Variants in AOPEP observed in about 807,000 individuals in gnomAD.
AOPEP encodes the protein aminopeptidase O (putative), also known as aminopeptidase O.
AOPEP carries 77 observed loss-of-function variants against 98.1 expected under a neutral mutation model. The observed-to-expected ratio is 0.78, with a 90% CI of 0.65 to 0.95. The LOEUF (loss-of-function observed/expected upper bound fraction) is 0.95. Among genes scored for constraint, AOPEP ranks in the 40% least tolerant of loss-of-function variants. AOPEP has a pLI of 0.00. For synonymous variants in AOPEP, 346 were observed against 365.3 expected, an observed-to-expected ratio of 0.95 and a Z score of 0.60; for missense variants, 1,024 against 1,024.7, an observed-to-expected ratio of 1.00 and a Z score of 0.01.
chr9:95,150,075 C>T, the AOPEP span: 1 of 1,614,122 alleles, frequency 6.2e-7, no homozygotes, highest in Non-Finnish European at 8.5e-7. Flanking sequence ...ACGCCACTCG[C>T]TCGGGAGCCA....
At chr9:94,924,938 T>C (rs559242218) in intron 6 of AOPEP, among the ~76,000 whole-genome samples, 2 of 152,350 alleles carry the variant, frequency 1.3e-5, no homozygotes, top group African/African-American at 4.8e-5. Flanking sequence ...CCAGTTCCAA[T>C]GAGGATGATA....
intron 14 of AOPEP, among the ~76,000 whole-genome samples, chr9:95,069,829 G>A (rs559447212): frequency 6.6e-6 from 1 of 152,356 alleles, no homozygotes; most frequent in African/African-American, 2.4e-5. Context: ...ACCAGTTAAG[G>A]TGTAGACAAG....
At position 94,792,865 on chromosome 9, in the gene AOPEP, A is replaced by T; in HGVS notation, c.1065A>T (p.Ser355=). The part of the protein sequence containing the change: ...CWTEMKMETW[S]SNDLATERPF... ...CAGAAATGAAGATGGAGACATGGTC[A>T]TCAAATGATTTGGCAACAGAGAGAC... The change falls in exon 4 of 17, where the codon TCA becomes TCT. Residue 355 remains serine, a synonymous_variant. Transcript: ENST00000375315. 1 of 1,613,850 alleles carries T rather than the reference A, an allele frequency of 6.2e-7. No homozygotes were observed. The highest frequency in any genetic ancestry group is 8.5e-7 in the Non-Finnish European group (1 of 1,179,838).
At chr9:95,106,503 C>A in the AOPEP span, among the ~76,000 whole-genome samples, 1 of 152,150 alleles carries the variant, frequency 6.6e-6, no homozygotes, top group East Asian at 1.9e-4. Flanking sequence ...TCTTTCATTG[C>A]TGTGCCTTTG....
intron 13 of AOPEP, chr9:95,021,531 A>G (rs1463290384): frequency 6.6e-6 from 1 of 152,258 alleles, no homozygotes; most frequent in Admixed American, 6.5e-5. Context: ...ATCATAAGAC[A>G]AATTTAAATG....
intron 5 of AOPEP, among the ~76,000 whole-genome samples, chr9:94,890,356 C>T (rs1027440852): frequency 6.6e-6 from 1 of 151,946 alleles, no homozygotes. Context: ...GCTCCTGCTC[C>T]CCACACATAT....
At chr9:94,777,132 T>C (rs892539039) in intron 3 of AOPEP, among the ~76,000 whole-genome samples, 19 of 152,248 alleles carry the variant, frequency 1.2e-4, no homozygotes, top group Middle Eastern at 3.4e-3. Flanking sequence ...ATTTGAATGA[T>C]TGACAGAAAA....
intron 4 of AOPEP, among the ~76,000 whole-genome samples, chr9:94,800,142 C>G (rs1470398192): frequency 6.6e-6 from 1 of 152,132 alleles, no homozygotes; most frequent in Non-Finnish European, 1.5e-5. Context: ...GGGAAAAATA[C>G]TGTATCAAAA....
the AOPEP span, chr9:95,145,518 A>T: frequency 6.6e-6 from 1 of 152,232 alleles, no homozygotes; most frequent in Non-Finnish European, 1.5e-5. Flanking sequence ...CTTCCCTGCA[A>T]CTAGAAAAAT....
chr9:94,981,708 C>T (rs2060196288), intron 11 of AOPEP, among the ~76,000 whole-genome samples: 1 of 152,092 alleles, frequency 6.6e-6, no homozygotes, highest in Non-Finnish European at 1.5e-5. Context: ...GTTCTTTGTC[C>T]CCATCATTAT....
chr9:95,069,731 C>G (rs1016467714), intron 14 of AOPEP, among the ~76,000 whole-genome samples: 1 of 152,262 alleles, frequency 6.6e-6, no homozygotes, highest in Non-Finnish European at 1.5e-5. Flanking sequence ...TGTCATCACA[C>G]TTGACCCTCA....
intron 1 of AOPEP, among the ~76,000 whole-genome samples, chr9:94,750,240 C>T (rs1414319089): frequency 1.3e-5 from 2 of 152,162 alleles, no homozygotes; most frequent in East Asian, 1.9e-4. Flanking sequence ...TCTTTTCTCT[C>T]CAGCTACTGT....
At chr9:94,888,700 T>C (rs1396120967) in intron 5 of AOPEP, among the ~76,000 whole-genome samples, 7 of 151,902 alleles carry the variant, frequency 4.6e-5, no homozygotes. Context: ...CCCTATGAGG[T>C]TGGGGTCTAG....
intron 10 of AOPEP, among the ~76,000 whole-genome samples, chr9:94,974,123 C>T (rs1241204917): frequency 6.6e-6 from 1 of 152,196 alleles, no homozygotes; most frequent in Non-Finnish European, 1.5e-5. Flanking sequence ...ACATATTAGT[C>T]CATTTCTTTG....
chr9:95,135,386 C>T, the AOPEP span: 1 of 1,614,098 alleles, frequency 6.2e-7, no homozygotes, highest in African/African-American at 1.3e-5. Flanking sequence ...CCTTCTCAGA[C>T]AATTTCTCTC....
chr9:94,746,767 G>C (rs904132160), intron 1 of AOPEP, among the ~76,000 whole-genome samples: 1 of 152,162 alleles, frequency 6.6e-6, no homozygotes, highest in African/African-American at 2.4e-5. Context: ...TGCCATCAGG[G>C]AAGCCAGAGT....
intron 14 of AOPEP, among the ~76,000 whole-genome samples, chr9:95,067,297 T>C (rs2068009658): frequency 6.6e-6 from 1 of 152,184 alleles, no homozygotes; most frequent in Admixed American, 6.5e-5. Flanking sequence ...CTGCGTGTAA[T>C]GGTGGAATTT....
intron 9 of AOPEP, among the ~76,000 whole-genome samples, chr9:94,965,229 C>T (rs529869283): frequency 5.9e-5 from 9 of 152,332 alleles, no homozygotes; most frequent in Admixed American, 1.3e-4. Context: ...AGGCATCAGT[C>T]AGTTTGGGGT....
downstream of AOPEP, among the ~76,000 whole-genome samples, chr9:95,088,564 AGCC>A (rs1487524289): frequency 5.3e-5 from 8 of 152,204 alleles, no homozygotes; most frequent in Admixed American, 1.3e-4. Flanking sequence ...ACTGAGGCAG[AGCC>A]AGGAAGGACC....
Sources: gnomAD v4.1 joint callset for allele counts (sites outside exome capture counted in the v4.1 genomes callset) on GRCh38, gnomAD v4.1.1 for gene constraint, MANE v1.5 for transcripts, NCBI Gene and HGNC (gene_info 2026-07-23, HGNC 2026-07-21) for gene names.